Variants in MAGI2 observed in about 807,000 individuals in gnomAD.
The protein encoded by MAGI2 is membrane-associated guanylate kinase, WW and PDZ domain-containing protein 2.
MAGI2 carries 35 observed loss-of-function variants against 133.3 expected under a neutral mutation model. The observed-to-expected ratio is 0.26, with a 90% CI of 0.20 to 0.35. MAGI2 has a LOEUF of 0.35. Among genes scored for constraint, MAGI2 ranks in the 10% least tolerant of loss-of-function variants. MAGI2 has a pLI of 1.00. For missense variants in MAGI2, 1,636 were observed against 1,863.4 expected (o/e 0.88, Z 2.25); for synonymous variants, 729 against 710.6 (o/e 1.03, Z -0.41).
intron 20 of MAGI2, among the ~76,000 whole-genome samples, chr7:78,098,332 C>T (rs1817900509): frequency 6.6e-6 from 1 of 152,082 alleles, no homozygotes; most frequent in Admixed American, 6.6e-5. Flanking sequence ...AGTTTTAAAA[C>T]TTTACATAAA....
At chr7:78,558,325 C>G (rs1184419789) in intron 3 of MAGI2, among the ~76,000 whole-genome samples, 2 of 152,132 alleles carry the variant, frequency 1.3e-5, no homozygotes, top group African/African-American at 4.8e-5. Context: ...TCAGCTGATT[C>G]ACTGTGGTTC....
intron 1 of MAGI2, among the ~76,000 whole-genome samples, chr7:79,391,508 C>CATATATATATATATATATATAGACAT (rs1844614465): frequency 2.9e-4 from 20 of 69,206 alleles, no homozygotes; most frequent in Non-Finnish European, 4.1e-4. Context: ...TATATATAGA[C>CATATATATATATATATATATAGACAT]ATATATATAT....
At chr7:79,379,567 T>C (rs1435230466) in intron 1 of MAGI2, among the ~76,000 whole-genome samples, 9 of 151,948 alleles carry the variant, frequency 5.9e-5, no homozygotes, top group African/African-American at 1.7e-4. Flanking sequence ...AACTAGTTTA[T>C]AGTCCCACCA....
At chr7:79,418,830 TACACACACACACACAC>T (rs57172659) in intron 1 of MAGI2, among the ~76,000 whole-genome samples, 66 of 137,940 alleles carry the variant, frequency 4.8e-4, no homozygotes, top group African/African-American at 1.6e-3. Context: ...CCAATACACA[TACACACACACACACAC>T]ACACACACAC....
chr7:78,729,795 C>T (rs887813467), intron 2 of MAGI2, among the ~76,000 whole-genome samples: 1 of 152,156 alleles, frequency 6.6e-6, no homozygotes, highest in Admixed American at 6.5e-5. Context: ...CTACGTAGAT[C>T]TTTTATAGGA....
chr7:78,466,055 C>G (rs1466076926), intron 6 of MAGI2, among the ~76,000 whole-genome samples: 1 of 152,180 alleles, frequency 6.6e-6, no homozygotes, highest in African/African-American at 2.4e-5. Context: ...CAACCACTTG[C>G]TCTTAACATC....
intron 2 of MAGI2, among the ~76,000 whole-genome samples, chr7:78,865,984 A>C (rs1667439944): frequency 6.6e-6 from 1 of 152,194 alleles, no homozygotes; most frequent in Non-Finnish European, 1.5e-5. Context: ...TCTGAATTTA[A>C]CTTTTTGACA....
chr7:78,378,846 G>A (rs1193150040), intron 6 of MAGI2, among the ~76,000 whole-genome samples: 4 of 151,950 alleles, frequency 2.6e-5, no homozygotes, highest in African/African-American at 7.2e-5. Flanking sequence ...ATAATAATAT[G>A]TAAATGTCTT....
chr7:79,139,415 A>G (rs150568393), intron 1 of MAGI2, among the ~76,000 whole-genome samples: 1 of 152,312 alleles, frequency 6.6e-6, no homozygotes, highest in East Asian at 1.9e-4. Flanking sequence ...AGATTATAAC[A>G]CTGGGACTCA....
rs200039894 is a variant in MAGI2, at chr7:78,654,701, A to ATGTG, written c.419-27463_419-27462insCACA. Among the ~76,000 whole-genome samples the ATGTG allele has an allele frequency of 1.1e-4, 5 of 46,776 alleles. No homozygotes were observed. The East Asian group carries it at 2.6e-3, about 25-fold the overall frequency. The allele number at this position is 46,776 out of a possible 152,430, so 30.7% of individuals were successfully genotyped here. A position where few individuals can be genotyped will look rare whatever the true frequency, so the allele number is the denominator to read the frequency against. On this transcript the variant is annotated intron_variant, in intron 2 of 21. Transcript: ENST00000354212. Reference sequence around the variant, plus strand: ...ATTATTTGTGTGTACTTTTACATATATGTATATATATATATATATATATAT... The same window carrying ATGTG: ...ATTATTTGTGTGTACTTTTACATATATGTGTGTATATATATATATATATATATAT...
chr7:79,278,796 C>T (rs1484364385), intron 1 of MAGI2, among the ~76,000 whole-genome samples: 9 of 152,156 alleles, frequency 5.9e-5, no homozygotes, highest in African/African-American at 1.9e-4. Flanking sequence ...CTCAGTCCTA[C>T]CACCTGCTAC....
intron 10 of MAGI2, among the ~76,000 whole-genome samples, chr7:78,247,982 C>A (rs1460020244): frequency 6.6e-6 from 1 of 152,080 alleles, no homozygotes; most frequent in East Asian, 1.9e-4. Flanking sequence ...TACAGGTTCC[C>A]AAACAAACTC....
chr7:78,279,418 T>C (rs1393461184), intron 9 of MAGI2, among the ~76,000 whole-genome samples: 2 of 148,756 alleles, frequency 1.3e-5, no homozygotes, highest in African/African-American at 5.0e-5. Context: ...TATTCATATT[T>C]AAATTTTCTC....
intron 2 of MAGI2, among the ~76,000 whole-genome samples, chr7:78,640,674 C>A (rs1810197624): frequency 6.6e-6 from 1 of 152,206 alleles, no homozygotes; most frequent in Non-Finnish European, 1.5e-5. Flanking sequence ...TCCTACCCCT[C>A]ACGGGGAGCA....
rs541527149 is a variant in MAGI2 at position 79,349,082 on chromosome 7, T to C, written c.301+103938A>G. On this transcript the variant is annotated intron_variant, in intron 1 of 21. Coordinates refer to ENST00000354212, the MANE Select transcript of MAGI2 (RefSeq NM_012301.4). Reference sequence around the variant, plus strand: ...TTCTATGTAGTATATTATTTGTACATAAAAGAGGCTATCTTTAAGGTTTTA... The same window carrying C: ...TTCTATGTAGTATATTATTTGTACACAAAAGAGGCTATCTTTAAGGTTTTA... 2.6e-5 allele frequency among the ~76,000 whole-genome samples: 4 copies of C among 152,110 alleles called. No individual in the cohort carries two copies. The South Asian group carries it at 8.3e-4, about 32-fold the overall frequency.
chr7:78,174,953 T>C (rs986931376), intron 14 of MAGI2, among the ~76,000 whole-genome samples: 2 of 152,234 alleles, frequency 1.3e-5, no homozygotes, highest in Middle Eastern at 3.2e-3. Flanking sequence ...GCATGAATGC[T>C]GGAGGGTAAC....
At chr7:78,270,115 A>G (rs74703163) in intron 9 of MAGI2, among the ~76,000 whole-genome samples, 45 of 152,104 alleles carry the variant, frequency 3.0e-4, no homozygotes, top group Non-Finnish European at 5.9e-4. Flanking sequence ...GTTCTGTTCC[A>G]TTGGTCTATG....
intron 2 of MAGI2, among the ~76,000 whole-genome samples, chr7:78,697,106 A>G (rs2151138006): frequency 6.6e-6 from 1 of 152,262 alleles, no homozygotes; most frequent in East Asian, 1.9e-4. Flanking sequence ...TCTCATTTCT[A>G]CTATCTTTTT....
chr7:78,557,975 CT>C (rs5885075), intron 3 of MAGI2, among the ~76,000 whole-genome samples: 65,117 of 150,488 alleles, frequency 0.43, 14,553 homozygotes, highest in Middle Eastern at 0.52. Flanking sequence ...TATTGGAACT[CT>C]TTTTTTTTTT....
Sources: allele counts gnomAD v4.1 joint callset (sites outside exome capture counted in the v4.1 genomes callset), GRCh38; gene constraint gnomAD v4.1.1; transcripts MANE v1.5; gene names NCBI Gene and HGNC (gene_info 2026-07-23, HGNC 2026-07-21).